Variants in NTAQ1 observed in about 807,000 individuals in gnomAD.
NTAQ1 encodes protein N-terminal glutamine amidohydrolase.
In NTAQ1, 21 loss-of-function variants were observed where a neutral mutation model predicts 28.2. The observed-to-expected ratio is 0.74, with a 90% CI of 0.53 to 1.07. NTAQ1 has a LOEUF of 1.07. Ranked by LOEUF, NTAQ1 falls within the 50% of genes least tolerant of loss-of-function variation. The pLI, the probability that NTAQ1 is intolerant of heterozygous loss-of-function variation, is 0.00. For synonymous variants in NTAQ1, 105 were observed against 90.0 expected (o/e 1.17, Z -0.94); for missense variants, 264 against 256.6 (o/e 1.03, Z -0.20).
downstream of NTAQ1, among the ~76,000 whole-genome samples, chr8:123,444,751 C>G (rs568052179): frequency 6.6e-6 from 1 of 152,156 alleles, no homozygotes; most frequent in Non-Finnish European, 1.5e-5. Context: ...CCTCGTGATC[C>G]ACTTGCCTCG....
chr8:123,461,344 C>G (rs1309355294), intron 6 of NTAQ1, among the ~76,000 whole-genome samples: 2 of 152,186 alleles, frequency 1.3e-5, no homozygotes, highest in Non-Finnish European at 2.9e-5. Flanking sequence ...CACGTCCCCA[C>G]TCCCTACTGG....
chr8:123,443,467 T>G (rs1815156331), downstream of NTAQ1, among the ~76,000 whole-genome samples: 3 of 152,244 alleles, frequency 2.0e-5, no homozygotes, highest in Non-Finnish European at 4.4e-5. Flanking sequence ...TCTTTTACCT[T>G]CAGCTTGCCC....
intron 3 of NTAQ1, among the ~76,000 whole-genome samples, chr8:123,432,437 C>T (rs1252611931): frequency 1.3e-5 from 2 of 151,914 alleles, no homozygotes; most frequent in South Asian, 2.1e-4. Flanking sequence ...GTCAGGAGTT[C>T]GAGACCAGCC....
chr8:123,468,444 C>T (rs751050369), exon 7 of NTAQ1, among the ~76,000 whole-genome samples: 1 of 152,080 alleles, frequency 6.6e-6, no homozygotes, highest in African/African-American at 2.4e-5. Flanking sequence ...TTAGATACCT[C>T]GTATACGTGG....
chr8:123,465,731 G>A (rs1286704259), intron 6 of NTAQ1, among the ~76,000 whole-genome samples: 20 of 151,676 alleles, frequency 1.3e-4, no homozygotes, highest in Admixed American at 9.9e-4. Flanking sequence ...ACAGGCGCCC[G>A]CCACCATGCC....
downstream of NTAQ1, among the ~76,000 whole-genome samples, chr8:123,471,487 A>G (rs1161109512): frequency 6.6e-6 from 1 of 152,164 alleles, no homozygotes; most frequent in Admixed American, 6.6e-5. Context: ...TGGAGGCTGG[A>G]AAGTCCCAAG....
chr8:123,431,043 G>C (rs1814360203), intron 3 of NTAQ1, among the ~76,000 whole-genome samples: 1 of 152,002 alleles, frequency 6.6e-6, no homozygotes, highest in Admixed American at 6.6e-5. Flanking sequence ...TTCCCCTAAA[G>C]AATGGAGGCT....
intron 5 of NTAQ1, among the ~76,000 whole-genome samples, chr8:123,440,197 C>G (rs1431415060): frequency 8.9e-6 from 1 of 112,428 alleles, no homozygotes; most frequent in Non-Finnish European, 1.7e-5. Flanking sequence ...GCTCTATTGC[C>G]CAGGCTGGAG....
chr8:123,457,963 G>C (rs893279075), intron 6 of NTAQ1, among the ~76,000 whole-genome samples: 1 of 151,192 alleles, frequency 6.6e-6, no homozygotes, highest in Non-Finnish European at 1.5e-5. Context: ...GAACCCGGGA[G>C]GTGGAGGTTG....
intron 1 of NTAQ1, among the ~76,000 whole-genome samples, chr8:123,417,622 T>C (rs1488131095): frequency 6.6e-6 from 1 of 152,162 alleles, no homozygotes; most frequent in African/African-American, 2.4e-5. Flanking sequence ...TCATACCTAC[T>C]CTTTCCTGAG....
At chr8:123,450,695 G>C (rs1815465397), downstream of NTAQ1, among the ~76,000 whole-genome samples, 2 of 152,188 alleles carry the variant, frequency 1.3e-5, no homozygotes, top group African/African-American at 4.8e-5. Flanking sequence ...AGAGAGGAAA[G>C]AAAGCTGGAT....
chr8:123,463,043 G>T (rs28728175), intron 6 of NTAQ1, among the ~76,000 whole-genome samples: 5 of 152,176 alleles, frequency 3.3e-5, no homozygotes, highest in Non-Finnish European at 5.9e-5. Flanking sequence ...TGGGAATACG[G>T]TGGCTCCAGG....
At chr8:123,419,643 T>A (rs1023541329) in intron 1 of NTAQ1, among the ~76,000 whole-genome samples, 4 of 152,138 alleles carry the variant, frequency 2.6e-5, no homozygotes, top group African/African-American at 9.7e-5. Flanking sequence ...TGCATGCATC[T>A]CTGACCTCAG....
intron 5 of NTAQ1, among the ~76,000 whole-genome samples, chr8:123,439,901 C>T (rs1434780643): frequency 6.6e-6 from 1 of 151,804 alleles, no homozygotes; most frequent in East Asian, 2.0e-4. Context: ...TCGCAATGAG[C>T]CAAAATTGCA....
chr8:123,430,463 G>A (rs570988491), intron 3 of NTAQ1, among the ~76,000 whole-genome samples: 11 of 151,960 alleles, frequency 7.2e-5, no homozygotes, highest in Non-Finnish European at 1.3e-4. Context: ...CCAACATGGC[G>A]AAACACCATC....
intron 5 of NTAQ1, chr8:123,438,192 T>A (rs1372662514): frequency 7.1e-6 from 5 of 702,066 alleles, no homozygotes; most frequent in Non-Finnish European, 1.3e-5. Flanking sequence ...CTTCACCCTA[T>A]TACTATTGTT....
chr8:123,436,092 C>G (rs1241284178), intron 3 of NTAQ1, among the ~76,000 whole-genome samples: 1 of 150,616 alleles, frequency 6.6e-6, no homozygotes. Context: ...TTGCTTGAAC[C>G]CGGCAGGTGG....
At chr8:123,462,832 C>T (rs1049529879) in intron 6 of NTAQ1, among the ~76,000 whole-genome samples, 1 of 152,134 alleles carries the variant, frequency 6.6e-6, no homozygotes, top group Non-Finnish European at 1.5e-5. Context: ...GATTTTGACA[C>T]CATAGAGAGC....
chr8:123,443,585 T>C (rs898491329), downstream of NTAQ1, among the ~76,000 whole-genome samples: 3 of 152,176 alleles, frequency 2.0e-5, no homozygotes, highest in Non-Finnish European at 4.4e-5. Flanking sequence ...AGCCCACCTT[T>C]TTTGTTTTTG....
Sources: allele counts gnomAD v4.1 joint callset (sites outside exome capture counted in the v4.1 genomes callset), GRCh38; gene constraint gnomAD v4.1.1; transcripts MANE v1.5; gene names NCBI Gene and HGNC (gene_info 2026-07-23, HGNC 2026-07-21).